Variants in ZNF91 observed in about 807,000 individuals in gnomAD.
ZNF91 encodes zinc finger protein 91 (HPF7, HTF10).
In ZNF91, 7 loss-of-function variants were observed where a neutral mutation model predicts 12.6. That is an observed-to-expected ratio of 0.55 (90% CI 0.31 to 1.04). The LOEUF (loss-of-function observed/expected upper bound fraction) is 1.04, where lower values mean the gene tolerates loss of function less well. Ranked by LOEUF, ZNF91 falls within the 50% of genes least tolerant of loss-of-function variation. ZNF91 has a pLI of 0.05. For missense variants in ZNF91, 1,217 were observed against 1,385.4 expected (o/e 0.88, Z 1.93); for synonymous variants, 453 against 462.6 (o/e 0.98, Z 0.27).
chr19:23,383,763 C>CT (rs1441372173), intron 1 of ZNF91, among the ~76,000 whole-genome samples: 4 of 151,922 alleles, frequency 2.6e-5, no homozygotes, highest in African/African-American at 9.7e-5. Context: ...CTTAACACTA[C>CT]TATTCAACAT....
intron 3 of ZNF91, among the ~76,000 whole-genome samples, chr19:23,373,360 ATATATAT>A (rs1969363634): frequency 2.6e-5 from 2 of 75,882 alleles, no homozygotes; most frequent in South Asian, 7.8e-4. Context: ...ATATATATAT[ATATATAT>A]ATATATATAT....
chr19:23,307,317 C>G (rs1022388603), exon 3 of ZNF91: 1 of 152,058 alleles, frequency 6.6e-6, no homozygotes, highest in Non-Finnish European at 1.5e-5. Context: ...CTCTCTTACC[C>G]GAGCATTGCC....
At chr19:23,318,770 A>C (rs540714440) in intron 1 of ZNF91, among the ~76,000 whole-genome samples, 1 of 152,280 alleles carries the variant, frequency 6.6e-6, no homozygotes, top group African/African-American at 2.4e-5. Context: ...CACACAGGTG[A>C]TGTGATTCTA....
rs550320991 is a variant in ZNF91, at chr19:23,342,494, ATATT to A, written c.254-3444_254-3441del. 7.8e-3 allele frequency among the ~76,000 whole-genome samples: 1,182 copies of A among 152,302 alleles called. 7 individuals carry two copies. The highest frequency in any genetic ancestry group is 0.014 in the Middle Eastern group (4 of 294). On this transcript the variant is annotated intron_variant, in intron 3 of 3. Coordinates refer to the ZNF91 transcript ENST00000599743. ...AATTAGTGCTGGATATTGGATTTTA[ATATT>A]TGTGCAACAGTATTTAATGCCACTG...
At chr19:23,319,052 G>A (rs1285429526) in intron 1 of ZNF91, among the ~76,000 whole-genome samples, 1 of 152,104 alleles carries the variant, frequency 6.6e-6, no homozygotes, top group East Asian at 1.9e-4. Context: ...GGGAGCATGG[G>A]TACATAGCTC....
chr19:23,319,885 G>A (rs1382413022), intron 1 of ZNF91, among the ~76,000 whole-genome samples: 2 of 152,166 alleles, frequency 1.3e-5, no homozygotes, highest in South Asian at 2.1e-4. Flanking sequence ...GAGAGATACT[G>A]TCTCTTATAG....
intron 3 of ZNF91, among the ~76,000 whole-genome samples, chr19:23,345,034 T>C (rs1365716764): frequency 1.3e-5 from 2 of 152,194 alleles, no homozygotes; most frequent in Non-Finnish European, 2.9e-5. Flanking sequence ...ACAGCCTCTC[T>C]TGCTCTCTCC....
chr19:23,327,984 C>CAAA (rs1349693059), intron 1 of ZNF91: 2 of 152,070 alleles, frequency 1.3e-5, no homozygotes, highest in Admixed American at 6.5e-5. Flanking sequence ...TTCCTAAGTA[C>CAAA]AATTTTTTTC....
intron 1 of ZNF91, among the ~76,000 whole-genome samples, chr19:23,331,465 T>C (rs1967926916): frequency 6.6e-6 from 1 of 152,222 alleles, no homozygotes; most frequent in African/African-American, 2.4e-5. Context: ...TTGCTAAGAA[T>C]GTGAGATCAG....
intron 3 of ZNF91, among the ~76,000 whole-genome samples, chr19:23,369,168 G>GAC (rs1436587535): frequency 1.3e-5 from 2 of 152,130 alleles, no homozygotes; most frequent in African/African-American, 2.4e-5. Context: ...AAATTACCCA[G>GAC]GTGTGGTGAC....
Position 23,323,545 on chromosome 19 carries a change from TCTC to T in ZNF91, n.117-14451_117-14449del, listed in dbSNP as rs140379674. ...ACTCTTCTCCTCCTTTTCCTTTTTC[TCTC>T]CTCTTCCTTTTTCCTTTTCCTCTTC... On this transcript the variant is annotated intron_variant and non_coding_transcript_variant, in intron 1 of 1. Coordinates refer to the ZNF91 transcript ENST00000596528. Among the ~76,000 whole-genome samples the T allele has an allele frequency of 0.012, 1,795 of 150,786 alleles. 142 individuals are homozygous for T. In the East Asian group the frequency reaches 0.23, roughly 19 times the overall value.
chr19:23,395,242 G>A, intron 1 of ZNF91, 83 bp downstream of exon 1: 1 of 1,538,142 alleles, frequency 6.5e-7, no homozygotes, highest in Non-Finnish European at 8.9e-7. Flanking sequence ...CTGAAGGAAG[G>A]CCTGAGGCTC....
downstream of ZNF91, among the ~76,000 whole-genome samples, chr19:23,353,306 C>T (rs548791098): frequency 3.9e-5 from 6 of 152,230 alleles, no homozygotes; most frequent in South Asian, 2.1e-4. Context: ...CCCAAAGGAA[C>T]GTTCAAAACC....
chr19:23,367,358 T>A, intron 3 of ZNF91, among the ~76,000 whole-genome samples: 1 of 136,714 alleles, frequency 7.3e-6, no homozygotes, highest in Non-Finnish European at 1.5e-5. Flanking sequence ...ATCCACTTTG[T>A]GTTTTCTGAC....
chr19:23,305,993 TAA>T (rs1016427130), intron 3 of ZNF91, among the ~76,000 whole-genome samples: 2 of 152,260 alleles, frequency 1.3e-5, no homozygotes, highest in Non-Finnish European at 2.9e-5. Context: ...TAGAATATGC[TAA>T]GATACTGAAA....
intron 3 of ZNF91, among the ~76,000 whole-genome samples, chr19:23,349,216 C>G (rs1254771036): frequency 6.6e-6 from 1 of 152,132 alleles, no homozygotes; most frequent in African/African-American, 2.4e-5. Context: ...CTGTGACTCA[C>G]TCCCAATTCG....
intron 3 of ZNF91, among the ~76,000 whole-genome samples, chr19:23,368,740 A>G (rs1249223173): frequency 6.6e-6 from 1 of 152,016 alleles, no homozygotes; most frequent in Non-Finnish European, 1.5e-5. Flanking sequence ...ATGGATGAAA[A>G]TATTTACAAA....
At chr19:23,375,007 G>A (rs17554640) in intron 1 of ZNF91, among the ~76,000 whole-genome samples, 15,799 of 152,156 alleles carry the variant, frequency 0.1, 1,262 homozygotes, top group East Asian at 0.37. Context: ...AGATGATAAA[G>A]TGTAAAATTG....
At chr19:23,355,159 A>G (rs2145036554), downstream of ZNF91, among the ~76,000 whole-genome samples, 1 of 152,288 alleles carries the variant, frequency 6.6e-6, no homozygotes, top group South Asian at 2.1e-4. Context: ...CCAAAGCAAG[A>G]CTAAGCAAAA....
Sources: gnomAD v4.1 joint callset for allele counts (sites outside exome capture counted in the v4.1 genomes callset) on GRCh38, gnomAD v4.1.1 for gene constraint, MANE v1.5 for transcripts, NCBI Gene and HGNC (gene_info 2026-07-23, HGNC 2026-07-21) for gene names.